PDZRN4: variants seen among roughly 807,000 people sequenced by gnomAD.
PDZRN4 encodes the protein PDZ domain-containing RING finger protein 4.
A neutral mutation model predicts 99.0 loss-of-function variants in PDZRN4; 70 were observed. The ratio of observed to expected loss-of-function variants is 0.71; its 90% confidence interval spans 0.58 to 0.86. PDZRN4 has a LOEUF of 0.86. Among genes scored for constraint, PDZRN4 ranks in the 40% least tolerant of loss-of-function variants. The pLI is 0.00. For missense variants in PDZRN4, 1,474 were observed against 1,331.2 expected, an observed-to-expected ratio of 1.11 and a Z score of -1.67; for synonymous variants, 551 against 501.6, an observed-to-expected ratio of 1.10 and a Z score of -1.32.
At chr12:41,326,392 G>A (rs566862065) in intron 3 of PDZRN4, among the ~76,000 whole-genome samples, 39 of 152,110 alleles carry the variant, frequency 2.6e-4, no homozygotes, top group African/African-American at 9.4e-4. Context: ...TATCCTATTT[G>A]CTTTTATTTT....
At chr12:41,374,044 A>G (rs1952062412) in intron 3 of PDZRN4, among the ~76,000 whole-genome samples, 1 of 152,164 alleles carries the variant, frequency 6.6e-6, no homozygotes, top group African/African-American at 2.4e-5. Context: ...CAGACAGAGC[A>G]TTATTAGGGA....
In PDZRN4 at chr12:41,499,734, G is replaced by A. The variant is rs1013868196; in HGVS notation, c.844-6722G>A. 4.6e-5 allele frequency among the ~76,000 whole-genome samples: 7 copies of A among 152,070 alleles called. No homozygotes were observed. The East Asian group carries it at 7.8e-4, about 17-fold the overall frequency. ...TAATGGATCCATAACCTCTTCATAC[G>A]AAAAATTAAAAATGAGTCCTGCTTG... On this transcript the variant is annotated intron_variant, in intron 3 of 9. Coordinates refer to ENST00000402685, the MANE Select transcript of PDZRN4 (RefSeq NM_001164595.2).
chr12:41,500,558 T>A (rs1348296797), intron 3 of PDZRN4, among the ~76,000 whole-genome samples: 1 of 152,086 alleles, frequency 6.6e-6, no homozygotes, highest in Non-Finnish European at 1.5e-5. Flanking sequence ...TACATATCAG[T>A]GATTGTTTTG....
chr12:41,269,867 C>T (rs1418386638), intron 3 of PDZRN4, among the ~76,000 whole-genome samples: 1 of 152,142 alleles, frequency 6.6e-6, no homozygotes, highest in Non-Finnish European at 1.5e-5. Flanking sequence ...ATAAAGTCAA[C>T]ACCAGGTTTT....
chr12:41,258,737 TG>T (rs1403442458), intron 3 of PDZRN4, among the ~76,000 whole-genome samples: 3 of 152,134 alleles, frequency 2.0e-5, no homozygotes, highest in Non-Finnish European at 4.4e-5. Flanking sequence ...CTTGCTCTTA[TG>T]GGGTTTATAT....
chr12:41,384,784 C>A (rs376191375), intron 3 of PDZRN4, among the ~76,000 whole-genome samples: 7 of 152,134 alleles, frequency 4.6e-5, no homozygotes, highest in African/African-American at 1.7e-4. Flanking sequence ...CTGGGTGAGA[C>A]TCAATTTCAC....
intron 3 of PDZRN4, among the ~76,000 whole-genome samples, chr12:41,271,904 C>T (rs1425534556): frequency 1.3e-5 from 2 of 151,982 alleles, no homozygotes; most frequent in Non-Finnish European, 1.5e-5. Flanking sequence ...CACATGCTGC[C>T]AGGCCTGTTT....
intron 3 of PDZRN4, among the ~76,000 whole-genome samples, chr12:41,306,330 T>C (rs1209912005): frequency 1.3e-5 from 2 of 152,218 alleles, no homozygotes; most frequent in Non-Finnish European, 2.9e-5. Flanking sequence ...GAAACTGAGG[T>C]AGTGGCCCTG....
At chr12:41,323,005 A>T (rs1951690298) in intron 3 of PDZRN4, among the ~76,000 whole-genome samples, 1 of 152,214 alleles carries the variant, frequency 6.6e-6, no homozygotes. Context: ...GAGGGCAAAT[A>T]AGGCCAATCC....
At chr12:41,529,404 T>C (rs1193058171) in intron 5 of PDZRN4, among the ~76,000 whole-genome samples, 1 of 152,220 alleles carries the variant, frequency 6.6e-6, no homozygotes, top group African/African-American at 2.4e-5. Context: ...CAAATAGTAT[T>C]AGGAGACCAA....
intron 5 of PDZRN4, among the ~76,000 whole-genome samples, chr12:41,536,194 C>T (rs928413920): frequency 6.6e-6 from 1 of 152,118 alleles, no homozygotes. Context: ...AGATGTCTTT[C>T]AGTAGGTGAA....
chr12:41,413,601 A>G (rs1952416861), intron 3 of PDZRN4, among the ~76,000 whole-genome samples: 1 of 152,148 alleles, frequency 6.6e-6, no homozygotes, highest in Non-Finnish European at 1.5e-5. Context: ...TATACATTAT[A>G]TGTGTTGCAG....
chr12:41,326,651 A>C (rs1951711320), intron 3 of PDZRN4, among the ~76,000 whole-genome samples: 1 of 152,166 alleles, frequency 6.6e-6, no homozygotes, highest in African/African-American at 2.4e-5. Context: ...GGTTATTAGC[A>C]TCAAGCATAA....
intron 3 of PDZRN4, among the ~76,000 whole-genome samples, chr12:41,381,338 C>G (rs1245288368): frequency 6.6e-6 from 1 of 152,062 alleles, no homozygotes. Flanking sequence ...TTCTCTCTCT[C>G]TCTCTCCCCT....
intron 3 of PDZRN4, among the ~76,000 whole-genome samples, chr12:41,195,948 C>A (rs943032284): frequency 3.3e-5 from 5 of 152,098 alleles, no homozygotes; most frequent in African/African-American, 1.2e-4. Flanking sequence ...TACACCCACA[C>A]AAACACATAG....
At chr12:41,403,953 T>C (rs1952322988) in intron 3 of PDZRN4, among the ~76,000 whole-genome samples, 1 of 152,102 alleles carries the variant, frequency 6.6e-6, no homozygotes, top group African/African-American at 2.4e-5. Flanking sequence ...TTGGTATCTA[T>C]TGGGGTGTTG....
chr12:41,402,778 T>A (rs1415843432), intron 3 of PDZRN4, among the ~76,000 whole-genome samples: 3 of 150,474 alleles, frequency 2.0e-5, no homozygotes, highest in Admixed American at 1.3e-4. Flanking sequence ...ATTTTCTGTT[T>A]TGTATAAGAA....
chr12:41,289,612 T>C (rs1951443947), intron 3 of PDZRN4, among the ~76,000 whole-genome samples: 1 of 152,188 alleles, frequency 6.6e-6, no homozygotes, highest in African/African-American at 2.4e-5. Flanking sequence ...CTTGACTTCA[T>C]TTTGAAGTAA....
chr12:41,531,959 T>C (rs533129413), intron 5 of PDZRN4, among the ~76,000 whole-genome samples: 1 of 152,262 alleles, frequency 6.6e-6, no homozygotes, highest in African/African-American at 2.4e-5. Context: ...AATATATTAA[T>C]TTTTTTATGG....
Sources: allele counts gnomAD v4.1 joint callset (sites outside exome capture counted in the v4.1 genomes callset), GRCh38; gene constraint gnomAD v4.1.1; transcripts MANE v1.5; gene names NCBI Gene and HGNC (gene_info 2026-07-23, HGNC 2026-07-21).